Variants in PTPRN2 observed in about 807,000 individuals in gnomAD.
The protein encoded by PTPRN2 is protein tyrosine phosphatase receptor type N2.
PTPRN2 carries 74 observed loss-of-function variants against 118.8 expected under a neutral mutation model. The observed-to-expected ratio is 0.62, with a 90% CI of 0.52 to 0.76. The LOEUF (loss-of-function observed/expected upper bound fraction) is 0.76, where lower values mean the gene tolerates loss of function less well. PTPRN2 is among the 30% of genes least tolerant of loss of function. PTPRN2 has a pLI of 0.00. For synonymous variants in PTPRN2, 641 were observed against 608.0 expected, an observed-to-expected ratio of 1.05 and a Z score of -0.80; for missense variants, 1,481 against 1,394.4, an observed-to-expected ratio of 1.06 and a Z score of -0.99.
chr7:158,047,298 C>T (rs1255202528), intron 11 of PTPRN2, among the ~76,000 whole-genome samples: 1 of 152,246 alleles, frequency 6.6e-6, no homozygotes, highest in Admixed American at 6.5e-5. Flanking sequence ...GAGCCGAGGG[C>T]AGGTCACTCA....
intron 15 of PTPRN2, among the ~76,000 whole-genome samples, chr7:157,608,926 A>G (rs1802167493): frequency 6.6e-6 from 1 of 152,218 alleles, no homozygotes; most frequent in African/African-American, 2.4e-5. Context: ...TCAAAACCGT[A>G]GTCTGAGAAT....
In PTPRN2 at chr7:157,615,492, A is replaced by G. The variant is rs1802703738; in HGVS notation, c.2344+5870T>C. The G allele has an allele frequency of 2.1e-6, 1 of 471,054 alleles. No homozygotes were observed. The highest frequency in any genetic ancestry group is 4.4e-6 in the Non-Finnish European group (1 of 227,072). The allele number at this position is 471,054 out of a possible 1,614,324, so 29.2% of individuals were successfully genotyped here. ...AAACATCTGATGAGCCTTTGCCAAT[A>G]TGCTCGGGACCTGGGGACGGCTGGG... On this transcript the variant is annotated intron_variant, in intron 15 of 22. Coordinates refer to ENST00000389418, the MANE Select transcript of PTPRN2 (RefSeq NM_002847.5). This position sits in a 1 kb window ranked among gnomAD's most constrained non-coding sequence, Gnocchi z 4.3.
chr7:157,554,615 G>T (rs1040286048), intron 21 of PTPRN2, among the ~76,000 whole-genome samples: 6 of 152,236 alleles, frequency 3.9e-5, no homozygotes. Context: ...CTGACAAGGT[G>T]AAGGAGCAGC....
At chr7:158,388,689 C>T (rs528265474) in intron 2 of PTPRN2, among the ~76,000 whole-genome samples, 1 of 152,272 alleles carries the variant, frequency 6.6e-6, no homozygotes, top group East Asian at 1.9e-4. Context: ...GATTAACCCC[C>T]CAAGAGTTGG....
intron 11 of PTPRN2, among the ~76,000 whole-genome samples, chr7:157,923,557 CT>C (rs1798808737): frequency 6.6e-6 from 1 of 152,198 alleles, no homozygotes; most frequent in South Asian, 2.1e-4. Context: ...CCGAGACCTC[CT>C]TTGGAAGACT....
intron 1 of PTPRN2, among the ~76,000 whole-genome samples, chr7:158,573,993 T>C (rs1261034696): frequency 6.6e-6 from 1 of 152,192 alleles, no homozygotes; most frequent in Admixed American, 6.5e-5. Context: ...GGATTGTTAA[T>C]AAGACAAATA....
intron 3 of PTPRN2, among the ~76,000 whole-genome samples, chr7:158,299,896 C>T (rs538119220): frequency 1.4e-4 from 21 of 152,222 alleles, no homozygotes; most frequent in African/African-American, 4.8e-4. Context: ...GGAGAACGTC[C>T]CTGAAAGGCC....
At chr7:158,239,048 C>A (rs1032153936) in intron 3 of PTPRN2, among the ~76,000 whole-genome samples, 3 of 152,196 alleles carry the variant, frequency 2.0e-5, no homozygotes, top group African/African-American at 7.2e-5. Context: ...AGGCAGGCAG[C>A]TGCCACCCGA....
intron 1 of PTPRN2, among the ~76,000 whole-genome samples, chr7:158,582,936 T>A (rs1394000289): frequency 6.6e-6 from 1 of 152,116 alleles, no homozygotes; most frequent in African/African-American, 2.4e-5. Flanking sequence ...CACTTTTTCA[T>A]GAGGAATTTG....
At chr7:158,163,317 C>T (rs574927886) in intron 6 of PTPRN2, among the ~76,000 whole-genome samples, 3 of 150,682 alleles carry the variant, frequency 2.0e-5, no homozygotes, top group South Asian at 2.1e-4. Flanking sequence ...GATACCTGCA[C>T]GGGGTTCTCA....
At chr7:158,333,871 A>G in intron 2 of PTPRN2, among the ~76,000 whole-genome samples, 2 of 140,990 alleles carry the variant, frequency 1.4e-5, no homozygotes, top group African/African-American at 2.8e-5. Context: ...CGTCACTCAC[A>G]CCCACACTCT....
Position 157,764,368 on chromosome 7 carries a change from C to T in PTPRN2, c.1789-81431G>A, listed in dbSNP as rs1177936420. The stretch of plus-strand genomic sequence containing the variant: ...GAAGAAAAGATAAACATCATGTGGT[C>T]CACCCACACATGGGAATATTACTCA... On this transcript the variant is annotated intron_variant, in intron 12 of 22. Transcript: ENST00000389418. This position sits in a 1 kb window ranked among gnomAD's most constrained non-coding sequence, Gnocchi z 4.5. 6.6e-6 allele frequency among the ~76,000 whole-genome samples: 1 copy of T among 152,218 alleles called. No individual in the cohort carries two copies. Among genetic ancestry groups the T allele is most frequent in the Non-Finnish European group, 1.5e-5 (1 of 68,042 alleles).
At chr7:158,150,504 A>C (rs1820875499) in intron 6 of PTPRN2, among the ~76,000 whole-genome samples, 1 of 152,122 alleles carries the variant, frequency 6.6e-6, no homozygotes, top group Non-Finnish European at 1.5e-5. Context: ...CTTCACTGCA[A>C]AGCTAACCCA....
intron 12 of PTPRN2, among the ~76,000 whole-genome samples, chr7:157,723,346 TC>T (rs1563039792): frequency 1.3e-5 from 2 of 152,084 alleles, no homozygotes; most frequent in African/African-American, 4.8e-5. Context: ...GCTGAATGCC[TC>T]CCCTGGTGTC....
chr7:158,282,131 A>G (rs938739527), intron 3 of PTPRN2, among the ~76,000 whole-genome samples: 1 of 150,990 alleles, frequency 6.6e-6, no homozygotes. Flanking sequence ...CTGTGTTAAC[A>G]GGGTCCTTTG....
At position 158,350,320 on chromosome 7, in the gene PTPRN2, G is replaced by A. The variant is rs1807832655; in HGVS notation, c.164-33388C>T. Among the ~76,000 whole-genome samples, 4 of 152,294 alleles carry A rather than the reference G, an allele frequency of 2.6e-5. No homozygotes were observed. In the South Asian group the frequency reaches 6.2e-4, roughly 24 times the overall value. On this transcript the variant is annotated intron_variant, in intron 2 of 22. Transcript: ENST00000389418. Reference sequence around the variant, plus strand: ...AAACAGGCGGCTCTTTCCCAAGCAGGGGCAGGACTGGCTGGTTGCCGTGTT... The same window carrying A: ...AAACAGGCGGCTCTTTCCCAAGCAGAGGCAGGACTGGCTGGTTGCCGTGTT...
intron 2 of PTPRN2, among the ~76,000 whole-genome samples, chr7:158,330,771 C>T (rs1249499049): frequency 1.0e-4 from 11 of 109,128 alleles, no homozygotes; most frequent in African/African-American, 3.3e-4. Context: ...AGAGCTGACA[C>T]CCGCAGACGT....
intron 13 of PTPRN2, among the ~76,000 whole-genome samples, chr7:157,657,300 TACAC>T (rs199709726): frequency 0.33 from 10,680 of 32,456 alleles, 2,290 homozygotes; most frequent in Middle Eastern, 0.5. Context: ...ATCACACATA[TACAC>T]ACACACACCA....
chr7:158,137,445 T>A (rs12668329), intron 7 of PTPRN2, among the ~76,000 whole-genome samples: 51,726 of 151,816 alleles, frequency 0.34, 9,083 homozygotes, highest in East Asian at 0.5. Flanking sequence ...ATAAATAAAT[T>A]AATTAATATC....
Sources: allele counts gnomAD v4.1 joint callset (sites outside exome capture counted in the v4.1 genomes callset), GRCh38; gene constraint gnomAD v4.1.1; non-coding constraint Gnocchi (gnomAD v3.1); transcripts MANE v1.5; gene names NCBI Gene and HGNC (gene_info 2026-07-23, HGNC 2026-07-21).